Variants in KIAA1328 observed in about 807,000 individuals in gnomAD.
The protein encoded by KIAA1328 is KIAA1328, also known as protein hinderin.
KIAA1328 carries 52 observed loss-of-function variants against 68.1 expected under a neutral mutation model. That is an observed-to-expected ratio of 0.76 (90% CI 0.61 to 0.96). The LOEUF is 0.96. Among genes scored for constraint, KIAA1328 ranks in the 40% least tolerant of loss-of-function variants. KIAA1328 has a pLI of 0.00. For synonymous variants in KIAA1328, 232 were observed against 239.4 expected, an observed-to-expected ratio of 0.97 and a Z score of 0.28; for missense variants, 641 against 677.6, an observed-to-expected ratio of 0.95 and a Z score of 0.60.
In KIAA1328 at chr18:37,112,245, G is replaced by A. The variant is rs565405673; in HGVS notation, c.1232+44700G>A. On this transcript the variant is annotated intron_variant, in intron 7 of 9. Transcript: ENST00000280020. ...CTCCTGAAGTGGGTCCCTGACCCCC[G>A]AGTAGCCTAACTGGGAGACACCTCC... Among the ~76,000 whole-genome samples, 31 of 152,284 alleles carry A rather than the reference G, an allele frequency of 2.0e-4. No individual in the cohort carries two copies. The East Asian group carries it at 2.3e-3, about 11-fold the overall frequency.
intron 6 of KIAA1328, among the ~76,000 whole-genome samples, chr18:37,016,536 G>A (rs1319536779): frequency 2.6e-5 from 4 of 152,120 alleles, no homozygotes; most frequent in Non-Finnish European, 5.9e-5. Context: ...AGTAGAATTG[G>A]TACCAGCTCT....
chr18:36,918,214 T>C (rs1158833345), intron 5 of KIAA1328, among the ~76,000 whole-genome samples: 1 of 152,084 alleles, frequency 6.6e-6, no homozygotes, highest in African/African-American at 2.4e-5. Flanking sequence ...CCCTTTTCCA[T>C]CAGTCTTGCA....
intron 9 of KIAA1328, among the ~76,000 whole-genome samples, chr18:37,177,816 T>A (rs1292249247): frequency 1.3e-5 from 2 of 152,058 alleles, no homozygotes; most frequent in Admixed American, 6.6e-5. Flanking sequence ...TGGGGGCTTT[T>A]AAAAAATAGT....
chr18:37,176,092 G>A (rs1292979529), intron 9 of KIAA1328, among the ~76,000 whole-genome samples: 1 of 152,134 alleles, frequency 6.6e-6, no homozygotes, highest in East Asian at 1.9e-4. Flanking sequence ...AAAAAGTTGT[G>A]GCTGAAAATG....
chr18:37,036,000 G>C (rs1355793433), intron 6 of KIAA1328, among the ~76,000 whole-genome samples: 1 of 151,966 alleles, frequency 6.6e-6, no homozygotes, highest in Non-Finnish European at 1.5e-5. Flanking sequence ...TCAAATCAAA[G>C]TATGCCTTCA....
intron 5 of KIAA1328, among the ~76,000 whole-genome samples, chr18:36,916,352 GTTTTC>G (rs966997669): frequency 6.6e-6 from 1 of 151,912 alleles, no homozygotes; most frequent in African/African-American, 2.4e-5. Flanking sequence ...GACATCTCCA[GTTTTC>G]TTTTTAGAAG....
At chr18:36,975,176 A>ATTTTTTTTTTTTTT (rs751805080) in intron 6 of KIAA1328, among the ~76,000 whole-genome samples, 1 of 114,942 alleles carries the variant, frequency 8.7e-6, no homozygotes, top group Non-Finnish European at 1.7e-5. Context: ...ACAAGCTACA[A>ATTTTTTTTTTTTTT]TTTTTTTTTT....
chr18:36,850,794 C>T (rs988023427), intron 4 of KIAA1328, among the ~76,000 whole-genome samples: 8 of 152,140 alleles, frequency 5.3e-5, no homozygotes, highest in Non-Finnish European at 1.2e-4. Context: ...TTGAACTGCA[C>T]CAGCATTCAT....
chr18:37,199,409 C>T (rs2060065147), intron 9 of KIAA1328, among the ~76,000 whole-genome samples: 1 of 152,154 alleles, frequency 6.6e-6, no homozygotes, highest in South Asian at 2.1e-4. Flanking sequence ...CATCCATGTT[C>T]CTGCAAAGGA....
chr18:36,839,035 C>T (rs2046772976), intron 3 of KIAA1328, among the ~76,000 whole-genome samples: 1 of 152,060 alleles, frequency 6.6e-6, no homozygotes, highest in Admixed American at 6.5e-5. Flanking sequence ...GCCCATCCTA[C>T]CTTGGAGTAA....
intron 5 of KIAA1328, among the ~76,000 whole-genome samples, chr18:36,929,375 T>C (rs941779521): frequency 3.3e-5 from 5 of 151,326 alleles, no homozygotes; most frequent in African/African-American, 1.2e-4. Flanking sequence ...GCATTTAGTG[T>C]GTGGTTTGAG....
chr18:36,918,398 T>C (rs1414354828), intron 5 of KIAA1328, among the ~76,000 whole-genome samples: 7 of 146,032 alleles, frequency 4.8e-5, no homozygotes, highest in Non-Finnish European at 8.9e-5. Flanking sequence ...CAAATGAAGA[T>C]CATTGTTTTT....
rs192589177 is a variant in KIAA1328, at chr18:37,076,747, A to G, written c.1232+9202A>G. On this transcript the variant is annotated intron_variant, in intron 7 of 9. Transcript: ENST00000280020. The stretch of plus-strand genomic sequence containing the variant: ...TAGAAAATCTAGAAGAAATGGATAA[A>G]TTCCTCGACACATACACCCTCCCAA... Among the ~76,000 whole-genome samples, 1,013 of 152,138 alleles carry G rather than the reference A, an allele frequency of 6.7e-3. 15 individuals are homozygous for G. The highest frequency in any genetic ancestry group is 0.023 in the African/African-American group (938 of 41,528).
intron 6 of KIAA1328, among the ~76,000 whole-genome samples, chr18:36,995,108 G>A (rs2151429615): frequency 6.6e-6 from 1 of 152,140 alleles, no homozygotes; most frequent in Admixed American, 6.5e-5. Flanking sequence ...CTCTCGCCTA[G>A]CCTCCCACCC....
At chr18:36,880,827 A>T (rs144444611) in intron 4 of KIAA1328, among the ~76,000 whole-genome samples, 1,920 of 152,272 alleles carry the variant, frequency 0.013, 15 homozygotes, top group Non-Finnish European at 0.02. Context: ...GCTATTATAG[A>T]TGAGCATATG....
intron 6 of KIAA1328, among the ~76,000 whole-genome samples, chr18:37,037,427 AC>A (rs1185375285): frequency 6.6e-6 from 1 of 152,156 alleles, no homozygotes; most frequent in East Asian, 1.9e-4. Flanking sequence ...TATACCACTT[AC>A]CATTGACCTC....
rs1459491195 is a variant in KIAA1328, at chr18:37,224,365, T to C, written c.*2138T>C. ...CAGCCACAGAGTGGAGTTTTATTGC[T>C]TCTTTGCCTCTCCATGAATGGCCAA... On this transcript the variant is annotated 3_prime_UTR_variant, in exon 10 of 10. Coordinates refer to ENST00000280020, the MANE Select transcript of KIAA1328 (RefSeq NM_020776.3). The C allele has an allele frequency of 1.0e-6, 1 of 985,322 alleles. No individual in the cohort carries two copies. Among genetic ancestry groups the C allele is most frequent in the East Asian group, 1.1e-4 (1 of 8,816 alleles). 61.0% of individuals were successfully genotyped at this position (985,322 alleles called of 1,614,324 possible).
intron 5 of KIAA1328, among the ~76,000 whole-genome samples, chr18:36,923,462 GTC>G (rs1240405110): frequency 3.3e-5 from 5 of 152,082 alleles, no homozygotes; most frequent in African/African-American, 1.2e-4. Context: ...AATGACAGAG[GTC>G]TCATCTCTAC....
intron 7 of KIAA1328, among the ~76,000 whole-genome samples, chr18:37,091,278 C>T (rs1219763541): frequency 2.6e-5 from 4 of 152,138 alleles, no homozygotes; most frequent in Non-Finnish European, 4.4e-5. Flanking sequence ...TCACAGGGAA[C>T]CTCTGAGGCA....
Sources: gnomAD v4.1 joint callset for allele counts (sites outside exome capture counted in the v4.1 genomes callset) on GRCh38, gnomAD v4.1.1 for gene constraint, MANE v1.5 for transcripts, NCBI Gene and HGNC (gene_info 2026-07-23, HGNC 2026-07-21) for gene names.